Variants in PTPRG observed in about 807,000 individuals in gnomAD.
PTPRG encodes the protein protein tyrosine phosphatase receptor type G, also known as receptor-type tyrosine-protein phosphatase gamma.
A neutral mutation model predicts 165.3 loss-of-function variants in PTPRG; 102 were observed. That is an observed-to-expected ratio of 0.62 (90% CI 0.53 to 0.73). The LOEUF is 0.73. PTPRG is among the 30% of genes least tolerant of loss of function. The pLI is 0.00. For synonymous variants in PTPRG, 675 were observed against 669.5 expected, an observed-to-expected ratio of 1.01 and a Z score of -0.13; for missense variants, 1,866 against 1,861.4, an observed-to-expected ratio of 1.00 and a Z score of -0.05.
At chr3:61,757,361 TAG>T (rs1442749175) in intron 2 of PTPRG, among the ~76,000 whole-genome samples, 1 of 152,164 alleles carries the variant, frequency 6.6e-6, no homozygotes, top group Non-Finnish European at 1.5e-5. Flanking sequence ...CTTTTTATTT[TAG>T]AGTAGATGGC....
At chr3:62,265,896 T>TATACACACACACAC (rs1553662684) in intron 17 of PTPRG, among the ~76,000 whole-genome samples, 1,544 of 130,602 alleles carry the variant, frequency 0.012, 21 homozygotes, top group African/African-American at 0.035. Context: ...GTGCCTTATA[T>TATACACACACACAC]ACACACACAC....
At chr3:61,999,173 G>A (rs558778963) in intron 3 of PTPRG, among the ~76,000 whole-genome samples, 6 of 152,092 alleles carry the variant, frequency 3.9e-5, no homozygotes, top group Non-Finnish European at 8.8e-5. Flanking sequence ...AGCCTGCCAA[G>A]TAGCTGGGAT....
chr3:61,841,966 T>C (rs2036649057), intron 2 of PTPRG, among the ~76,000 whole-genome samples: 1 of 152,232 alleles, frequency 6.6e-6, no homozygotes, highest in South Asian at 2.1e-4. Context: ...TCTATGACAG[T>C]CATTGTAGAT....
At chr3:61,931,419 T>C (rs549351971) in intron 2 of PTPRG, among the ~76,000 whole-genome samples, 7 of 152,332 alleles carry the variant, frequency 4.6e-5, no homozygotes, top group Non-Finnish European at 7.3e-5. Flanking sequence ...TTCTGTTTCA[T>C]GTGTGGTAGT....
chr3:61,597,079 G>C (rs750502123), intron 1 of PTPRG, among the ~76,000 whole-genome samples: 22 of 152,214 alleles, frequency 1.4e-4, no homozygotes, highest in Non-Finnish European at 2.8e-4. Flanking sequence ...AGGCGAGGTA[G>C]GGAAGGGGCA....
chr3:62,144,573 A>T (rs1182690508), intron 6 of PTPRG, among the ~76,000 whole-genome samples: 1 of 152,210 alleles, frequency 6.6e-6, no homozygotes, highest in African/African-American at 2.4e-5. Flanking sequence ...ACTTTCCTGA[A>T]ATGTGCTATA....
At chr3:62,016,322 A>G (rs2041543154) in intron 4 of PTPRG, among the ~76,000 whole-genome samples, 1 of 151,936 alleles carries the variant, frequency 6.6e-6, no homozygotes, top group African/African-American at 2.4e-5. Flanking sequence ...TGCTTCTACT[A>G]TGCCCAGCGA....
chr3:61,817,157 T>A (rs1221819799), intron 2 of PTPRG, among the ~76,000 whole-genome samples: 2 of 119,096 alleles, frequency 1.7e-5, no homozygotes, highest in South Asian at 4.8e-4. Context: ...ATATATATAA[T>A]ATATAATATA....
chr3:61,664,106 TG>T (rs1702743181), intron 1 of PTPRG, among the ~76,000 whole-genome samples: 1 of 152,236 alleles, frequency 6.6e-6, no homozygotes, highest in Non-Finnish European at 1.5e-5. Flanking sequence ...GAATTAGCCT[TG>T]GTAATTCAGT....
At chr3:61,843,067 A>G (rs1052204930) in intron 2 of PTPRG, among the ~76,000 whole-genome samples, 7 of 152,108 alleles carry the variant, frequency 4.6e-5, no homozygotes, top group Non-Finnish European at 7.4e-5. Context: ...ACTACTTCCC[A>G]CTTCATAGAA....
chr3:61,804,061 A>C (rs1342690880), intron 2 of PTPRG, among the ~76,000 whole-genome samples: 1 of 152,186 alleles, frequency 6.6e-6, no homozygotes, highest in Non-Finnish European at 1.5e-5. Flanking sequence ...AAGAAAAATA[A>C]TTTCCAGGGC....
intron 4 of PTPRG, among the ~76,000 whole-genome samples, chr3:62,054,436 A>G (rs1204278041): frequency 2.0e-5 from 3 of 152,206 alleles, no homozygotes; most frequent in Non-Finnish European, 2.9e-5. Flanking sequence ...GTAAGGATCA[A>G]TTTGTCTGAG....
In PTPRG at chr3:61,579,126, G is replaced by A. The variant is rs536036947; in HGVS notation, c.85+16754G>A. ...GGACTAGCTAATACCCTCCAGCAGAGCCAGACTTCAGAGTGACTCTGAAAG... is the reference window on the plus strand; with the variant it reads ...GGACTAGCTAATACCCTCCAGCAGAACCAGACTTCAGAGTGACTCTGAAAG... On this transcript the variant is annotated intron_variant, in intron 1 of 29. Transcript: ENST00000474889. Among the ~76,000 whole-genome samples, 7 of 152,252 alleles carry A rather than the reference G, an allele frequency of 4.6e-5. 1 individual carries two copies. In the South Asian group the frequency reaches 1.5e-3, roughly 32 times the overall value.
chr3:62,169,490 G>A (rs1452781213), intron 8 of PTPRG, among the ~76,000 whole-genome samples: 1 of 151,992 alleles, frequency 6.6e-6, no homozygotes, highest in Admixed American at 6.5e-5. Flanking sequence ...ACTTGCTCAT[G>A]TGAAATGAAT....
intron 2 of PTPRG, among the ~76,000 whole-genome samples, chr3:61,757,592 G>A (rs906914864): frequency 6.6e-6 from 1 of 152,146 alleles, no homozygotes; most frequent in Non-Finnish European, 1.5e-5. Context: ...TATTGACTTA[G>A]TTTGAAATGA....
intron 2 of PTPRG, among the ~76,000 whole-genome samples, chr3:61,752,880 T>A (rs1190528072): frequency 1.3e-5 from 2 of 151,964 alleles, no homozygotes; most frequent in Admixed American, 1.3e-4. Flanking sequence ...TAGTCTGGTA[T>A]AACTTTTCAC....
At chr3:61,652,617 T>A (rs1226133724) in intron 1 of PTPRG, among the ~76,000 whole-genome samples, 5 of 152,320 alleles carry the variant, frequency 3.3e-5, no homozygotes, top group Admixed American at 2.6e-4. Flanking sequence ...TTAATGTTTC[T>A]TTTCTTATTT....
At chr3:62,279,270 A>G (rs1702345744) in intron 26 of PTPRG, among the ~76,000 whole-genome samples, 1 of 152,072 alleles carries the variant, frequency 6.6e-6, no homozygotes, top group Non-Finnish European at 1.5e-5. Flanking sequence ...TGACCTATAA[A>G]TATACTTGTA....
At chr3:61,950,844 C>T (rs2039882632) in intron 2 of PTPRG, among the ~76,000 whole-genome samples, 1 of 152,198 alleles carries the variant, frequency 6.6e-6, no homozygotes, top group Admixed American at 6.5e-5. Context: ...TCAGTTGCTG[C>T]ATGGCATATA....
Sources: allele counts gnomAD v4.1 joint callset (sites outside exome capture counted in the v4.1 genomes callset), GRCh38; gene constraint gnomAD v4.1.1; transcripts MANE v1.5; gene names NCBI Gene and HGNC (gene_info 2026-07-23, HGNC 2026-07-21).